PLEKHG1: variants seen among roughly 807,000 people sequenced by gnomAD.
The protein encoded by PLEKHG1 is pleckstrin homology domain-containing family G member 1.
Under a neutral mutation model 100.8 loss-of-function variants are expected in PLEKHG1, and 44 were observed. The observed-to-expected ratio is 0.44, with a 90% CI of 0.34 to 0.56. The LOEUF (loss-of-function observed/expected upper bound fraction) is 0.56. PLEKHG1 is among the 20% of genes least tolerant of loss of function. The probability of loss-of-function intolerance (pLI) is 0.01; values close to 1 mark genes in which losing one functional copy is unlikely to be tolerated. For synonymous variants in PLEKHG1, 640 were observed against 662.5 expected (o/e 0.97, Z 0.52); for missense variants, 1,545 against 1,720.9 (o/e 0.90, Z 1.81).
intron 1 of PLEKHG1, among the ~76,000 whole-genome samples, chr6:150,724,512 G>A (rs185896569): frequency 7.5e-4 from 114 of 151,052 alleles, no homozygotes; most frequent in Non-Finnish European, 1.8e-4. Context: ...AGCTGCATTT[G>A]CATAAAAAGC....
intron 3 of PLEKHG1, among the ~76,000 whole-genome samples, chr6:150,705,676 A>G (rs1198280266): frequency 6.6e-6 from 1 of 152,186 alleles, no homozygotes; most frequent in Non-Finnish European, 1.5e-5. Flanking sequence ...CATGAGGATT[A>G]GGGGAAAATG....
intron 5 of PLEKHG1, among the ~76,000 whole-genome samples, chr6:150,800,262 C>CG (rs933210070): frequency 6.6e-6 from 1 of 151,958 alleles, no homozygotes; most frequent in African/African-American, 2.4e-5. Context: ...AATGCTCTGA[C>CG]GGGGGGCTGG....
At chr6:150,629,372 T>C (rs1480239412) in intron 1 of PLEKHG1, among the ~76,000 whole-genome samples, 1 of 152,290 alleles carries the variant, frequency 6.6e-6, no homozygotes, top group East Asian at 1.9e-4. Flanking sequence ...TACAAGGAAC[T>C]ATTATATGCA....
chr6:150,821,317 A>G (rs1165775816), intron 13 of PLEKHG1, 84 bp downstream of exon 14: 4 of 863,590 alleles, frequency 4.6e-6, no homozygotes, highest in African/African-American at 1.7e-5. Context: ...AATACCAGAT[A>G]AATTACATAT....
intron 1 of PLEKHG1, among the ~76,000 whole-genome samples, chr6:150,634,942 TG>T (rs927154832): frequency 4.6e-5 from 7 of 152,226 alleles, no homozygotes; most frequent in Non-Finnish European, 7.4e-5. Flanking sequence ...GGAGCATTTT[TG>T]GGGGATGTAG....
chr6:150,816,133 G>C (rs545050472), intron 10 of PLEKHG1, among the ~76,000 whole-genome samples: 1 of 152,134 alleles, frequency 6.6e-6, no homozygotes, highest in South Asian at 2.1e-4. Flanking sequence ...GGGAGACAGC[G>C]ACACCCCAAG....
In PLEKHG1 at chr6:150,613,151, A is replaced by G. The variant is rs547174504; in HGVS notation, c.-204+13134A>G. ...CTGAGTACTCCAAACAAGCCCCAGC[A>G]TCAGAGTGTTCTTATTACCTCTACC... On this transcript the variant is annotated intron_variant, in intron 1 of 3. Transcript: ENST00000367326. 1.7e-4 allele frequency among the ~76,000 whole-genome samples: 26 copies of G among 152,332 alleles called. No individual in the cohort carries two copies. The South Asian group carries it at 5.0e-3, about 29-fold the overall frequency.
intron 3 of PLEKHG1, among the ~76,000 whole-genome samples, chr6:150,785,895 T>G: frequency 6.6e-6 from 1 of 152,122 alleles, no homozygotes. Context: ...GAGAATCTAA[T>G]GGTAAGTGTA....
chr6:150,799,563 G>C (rs534611674), intron 5 of PLEKHG1, among the ~76,000 whole-genome samples: 117 of 152,284 alleles, frequency 7.7e-4, no homozygotes, highest in African/African-American at 2.0e-3. Context: ...CAAGCCTTTA[G>C]GTGGCCAAAG....
intron 3 of PLEKHG1, among the ~76,000 whole-genome samples, chr6:150,712,671 A>G (rs984362317): frequency 6.6e-6 from 1 of 152,194 alleles, no homozygotes; most frequent in African/African-American, 2.4e-5. Flanking sequence ...AAGTTACTTC[A>G]TGTACCTCTG....
chr6:150,765,927 C>T (rs1198206537), intron 2 of PLEKHG1, among the ~76,000 whole-genome samples: 2 of 152,172 alleles, frequency 1.3e-5, no homozygotes, highest in Admixed American at 6.5e-5. Flanking sequence ...CAAATTGGCT[C>T]CTGCCCACTT....
chr6:150,720,892 G>A (rs1032664073), upstream of PLEKHG1, among the ~76,000 whole-genome samples: 2 of 152,176 alleles, frequency 1.3e-5, no homozygotes, highest in Admixed American at 6.5e-5. Flanking sequence ...AGTGAAGTGT[G>A]CATTTTCGAG....
intron 2 of PLEKHG1, among the ~76,000 whole-genome samples, chr6:150,641,876 CAAAAAA>C (rs71554473): frequency 1.5e-3 from 116 of 76,806 alleles, no homozygotes; most frequent in Non-Finnish European, 1.7e-3. Context: ...TGTGAAAAGG[CAAAAAA>C]AAAAAAAAAA....
chr6:150,774,644 G>C (rs551277354), intron 3 of PLEKHG1, among the ~76,000 whole-genome samples: 1 of 144,738 alleles, frequency 6.9e-6, no homozygotes, highest in Non-Finnish European at 1.5e-5. Context: ...CGGGTTAAGC[G>C]ATTCTCCTGC....
At chr6:150,720,966 T>C (rs1242325269), upstream of PLEKHG1, 1 of 154,924 alleles carries the variant, frequency 6.5e-6, no homozygotes, top group Non-Finnish European at 1.4e-5. Context: ...CATTTAAGGC[T>C]CTTAGTGATG....
intron 10 of PLEKHG1, 28 bp downstream of exon 11, chr6:150,809,762 A>G (rs753717859): frequency 6.6e-7 from 1 of 1,526,372 alleles, no homozygotes; most frequent in Non-Finnish European, 9.1e-7. Flanking sequence ...GCACAGTGAA[A>G]TGGGAGAGAG....
intron 1 of PLEKHG1, chr6:150,624,955 C>A (rs1394704885): frequency 6.6e-6 from 1 of 152,070 alleles, no homozygotes; most frequent in Non-Finnish European, 1.5e-5. Context: ...CTTTGGGAGG[C>A]CAAGGCAGGC....
chr6:150,818,518 C>G (rs1776115481), intron 11 of PLEKHG1, among the ~76,000 whole-genome samples: 2 of 152,212 alleles, frequency 1.3e-5, no homozygotes, highest in South Asian at 2.1e-4. Context: ...CCAACCTCTA[C>G]CACCACCAAA....
At chr6:150,765,603 G>A (rs1784420756) in intron 2 of PLEKHG1, among the ~76,000 whole-genome samples, 1 of 152,062 alleles carries the variant, frequency 6.6e-6, no homozygotes. Context: ...TCTGAAGGGC[G>A]CTGAATTTGC....
Sources: gnomAD v4.1 joint callset for allele counts (sites outside exome capture counted in the v4.1 genomes callset) on GRCh38, gnomAD v4.1.1 for gene constraint, MANE v1.5 for transcripts, NCBI Gene and HGNC (gene_info 2026-07-23, HGNC 2026-07-21) for gene names.